RYK: variants seen among roughly 807,000 people sequenced by gnomAD.
RYK encodes inactive tyrosine-protein kinase RYK.
A neutral mutation model predicts 70.2 loss-of-function variants in RYK; 21 were observed. The ratio of observed to expected loss-of-function variants is 0.30; its 90% CI spans 0.21 to 0.43. The LOEUF (loss-of-function observed/expected upper bound fraction) is 0.43, where lower values mean the gene tolerates loss of function less well. Ranked by LOEUF, RYK falls within the 20% of genes least tolerant of loss-of-function variation. The pLI is 1.00. For synonymous variants in RYK, 267 were observed against 278.0 expected (o/e 0.96, Z 0.39); for missense variants, 604 against 753.3 (o/e 0.80, Z 2.32).
Position 134,211,586 on chromosome 3 carries a change from G to C in RYK, c.376C>G (p.Gln126Glu), listed in dbSNP as rs371293491. 1.2e-6 allele frequency: 2 copies of C among 1,613,068 alleles called. No homozygotes were observed. The highest frequency in any genetic ancestry group is 2.7e-5 in the African/African-American group (2 of 74,816). The change falls in exon 3 of 15, where the codon CAA (glutamine) becomes GAA (glutamate). Residue 126 changes from glutamine to glutamate, a missense_variant. Physicochemically the swap from Gln to Glu is conservative, Grantham distance 29. This residue lies in a region of RYK where 466 missense variants were observed against 535.9 expected (regional missense o/e 0.87). Coordinates refer to ENST00000623711, the MANE Select transcript of RYK (RefSeq NM_002958.4). ...TCCATTGCCAAAACATTGTCCACTT[G>C]GAATCCCAGCTTATATTCAACCTGT... ...KSKVEYKLGFQVDNVLAMDMP... is the reference protein window; with the variant it reads ...KSKVEYKLGFEVDNVLAMDMP...
intron 13 of RYK, among the ~76,000 whole-genome samples, chr3:134,164,505 T>G (rs2012590828): frequency 6.6e-6 from 1 of 152,240 alleles, no homozygotes; most frequent in Non-Finnish European, 1.5e-5. Flanking sequence ...ATAAATAGAA[T>G]TATTCAAGCT....
intron 13 of RYK, among the ~76,000 whole-genome samples, chr3:134,162,393 C>T (rs923420739): frequency 6.6e-6 from 1 of 151,952 alleles, no homozygotes; most frequent in South Asian, 2.1e-4. Context: ...CCTTTTGGAA[C>T]CTATTATCTT....
intron 13 of RYK, among the ~76,000 whole-genome samples, chr3:134,166,837 G>A (rs1198670923): frequency 6.6e-6 from 1 of 152,168 alleles, no homozygotes; most frequent in Non-Finnish European, 1.5e-5. Flanking sequence ...TGAAAATACA[G>A]TAACTCTTCC....
chr3:134,202,662 GTA>G (rs2014061879), intron 6 of RYK, 66 bp downstream of exon 6: 16 of 1,422,010 alleles, frequency 1.1e-5, no homozygotes, highest in Non-Finnish European at 1.5e-5. Flanking sequence ...GCATCGATGT[GTA>G]TGGGCTCCCA....
intron 10 of RYK, among the ~76,000 whole-genome samples, chr3:134,182,177 A>G (rs1213272782): frequency 1.3e-5 from 2 of 151,982 alleles, no homozygotes; most frequent in African/African-American, 2.4e-5. Context: ...AAAGGTCTTC[A>G]TATAGAACTA....
At chr3:134,183,465 C>T (rs2013365345) in intron 9 of RYK, 1 of 152,388 alleles carries the variant, frequency 6.6e-6, no homozygotes, top group Non-Finnish European at 1.5e-5. Context: ...AAATGACACA[C>T]AAGATTACAA....
chr3:134,162,545 T>A (rs946347988), intron 13 of RYK, among the ~76,000 whole-genome samples: 2 of 152,166 alleles, frequency 1.3e-5, no homozygotes, highest in African/African-American at 4.8e-5. Flanking sequence ...AAATTTCCCT[T>A]ACACCTACTG....
intron 2 of RYK, among the ~76,000 whole-genome samples, chr3:134,215,689 G>T (rs541639946): frequency 6.6e-6 from 1 of 152,278 alleles, no homozygotes; most frequent in South Asian, 2.1e-4. Context: ...CTGGGACAAA[G>T]AAATTTGAAC....
At chr3:134,214,281 G>A (rs995625402) in intron 2 of RYK, among the ~76,000 whole-genome samples, 12 of 152,098 alleles carry the variant, frequency 7.9e-5, no homozygotes, top group Non-Finnish European at 1.5e-4. Context: ...ATGCAAAAAT[G>A]CCATTCTATC....
intron 7 of RYK, among the ~76,000 whole-genome samples, chr3:134,193,661 T>TA (rs370655991): frequency 9.2e-5 from 14 of 152,362 alleles, no homozygotes; most frequent in African/African-American, 3.1e-4. Context: ...TCGTATTTCC[T>TA]AAAAAGCATA....
At chr3:134,217,626 TG>T in intron 2 of RYK, among the ~76,000 whole-genome samples, 1 of 152,178 alleles carries the variant, frequency 6.6e-6, no homozygotes, top group East Asian at 1.9e-4. Flanking sequence ...GAAAAGTAGG[TG>T]GTATGTTAGC....
intron 4 of RYK, among the ~76,000 whole-genome samples, chr3:134,209,465 T>A (rs1321662134): frequency 6.6e-6 from 1 of 152,204 alleles, no homozygotes; most frequent in Non-Finnish European, 1.5e-5. Context: ...GAAAACATCT[T>A]AGCAATTCTG....
At chr3:134,230,949 TA>T (rs528523124) in intron 1 of RYK, among the ~76,000 whole-genome samples, 132 of 152,286 alleles carry the variant, frequency 8.7e-4, no homozygotes, top group African/African-American at 2.9e-3. Flanking sequence ...TAAAAAGTTT[TA>T]GAAAAAATTA....
At chr3:134,189,195 T>C (rs2013565787) in intron 8 of RYK, among the ~76,000 whole-genome samples, 2 of 152,206 alleles carry the variant, frequency 1.3e-5, no homozygotes, top group African/African-American at 2.4e-5. Flanking sequence ...AAACTAATGA[T>C]ATAGCCAGGA....
chr3:134,239,041 T>C (rs945894914), intron 1 of RYK, among the ~76,000 whole-genome samples: 1 of 151,798 alleles, frequency 6.6e-6, no homozygotes, highest in African/African-American at 2.4e-5. Context: ...AGAGACAAAA[T>C]ATGATGGGTG....
chr3:134,204,591 CCACACA>C lies in RYK; in HGVS notation c.644-1723_644-1718del, dbSNP rs59154111. Among the ~76,000 whole-genome samples the C allele has an allele frequency of 7.7e-4, 109 of 140,762 alleles. No homozygotes were observed. In the South Asian group the frequency reaches 0.01, roughly 13 times the overall value. 92.3% of individuals were successfully genotyped at this position (140,762 alleles called of 152,430 possible). On this transcript the variant is annotated intron_variant, in intron 5 of 14. Transcript: ENST00000623711. ...AAATAACCCAATGACACAGCCACAG[CCACACA>C]CACACACACACACACACACACACAC...
At position 134,179,345 on chromosome 3, in the gene RYK, A is replaced by G. The variant is rs1248016001; in HGVS notation, c.1173-1272T>C. On this transcript the variant is annotated intron_variant, in intron 10 of 14. Transcript: ENST00000623711. ...ACCGTGGCACAATCACCAATGCACAAGTGGCAAAGCTGTGCGCTCCCCTCA... is the reference window on the plus strand; with the variant it reads ...ACCGTGGCACAATCACCAATGCACAGGTGGCAAAGCTGTGCGCTCCCCTCA... 3 of 152,220 alleles carry G rather than the reference A, an allele frequency of 2.0e-5. No individual in the cohort carries two copies. The East Asian group carries it at 5.8e-4, about 29-fold the overall frequency. 9.4% of individuals were successfully genotyped at this position (152,220 alleles called of 1,614,324 possible). A position where few individuals can be genotyped will look rare whatever the true frequency, so the allele number is the denominator to read the frequency against.
chr3:134,202,664 A>G lies in RYK; in HGVS notation c.788+66T>C. The G allele has an allele frequency of 2.1e-6, 3 of 1,429,726 alleles. No individual in the cohort carries two copies. The South Asian group carries it at 3.6e-5, about 17-fold the overall frequency. The allele number at this position is 1,429,726 out of a possible 1,614,324, so 88.6% of individuals were successfully genotyped here. A position where few individuals can be genotyped will look rare whatever the true frequency, so the allele number is the denominator to read the frequency against. On this transcript the variant is annotated intron_variant, in intron 6 of 14. Transcript: ENST00000623711. ...CCTGCACCACTGTGCATCGATGTGT[A>G]TGGGCTCCCACATATATACAAATAA... is the stretch of plus-strand genomic sequence containing the variant.
chr3:134,193,087 A>G (rs1410152258), intron 7 of RYK, among the ~76,000 whole-genome samples: 2 of 152,150 alleles, frequency 1.3e-5, no homozygotes, highest in African/African-American at 2.4e-5. Flanking sequence ...GTAGTAAGTA[A>G]ATTATCTAGC....
Sources: gnomAD v4.1 joint callset for allele counts (sites outside exome capture counted in the v4.1 genomes callset) on GRCh38, gnomAD v4.1.1 for gene constraint, gnomAD v4.1.1 regional missense constraint, MANE v1.5 for transcripts, NCBI Gene and HGNC (gene_info 2026-07-23, HGNC 2026-07-21) for gene names.